AKAP19: variants seen among roughly 807,000 people sequenced by gnomAD.
AKAP19 encodes the protein small A-kinase anchoring protein.
the AKAP19 span, chr2:190,079,890 T>TGAGAGA: frequency 1.8e-5 from 2 of 109,434 alleles, no homozygotes; most frequent in African/African-American, 6.5e-5. Flanking sequence ...TGTGTGTGTG[T>TGAGAGA]GAGAGAGAGA....
chr2:190,198,105 GTA>G, the AKAP19 span, among the ~76,000 whole-genome samples: 1 of 152,152 alleles, frequency 6.6e-6, no homozygotes, highest in Admixed American at 6.5e-5. Context: ...CATCTCTGAA[GTA>G]TGCAGCGTGA....
chr2:189,984,742 G>A, the AKAP19 span, among the ~76,000 whole-genome samples: 1 of 152,274 alleles, frequency 6.6e-6, no homozygotes, highest in South Asian at 2.1e-4. Flanking sequence ...GTATTAATTT[G>A]GGGAACTAAT....
At chr2:190,101,327 G>A in the AKAP19 span, among the ~76,000 whole-genome samples, 17 of 152,212 alleles carry the variant, frequency 1.1e-4, no homozygotes, top group Non-Finnish European at 1.5e-5. Context: ...CTTCTCCTCG[G>A]CAACAAGGCT....
the AKAP19 span, among the ~76,000 whole-genome samples, chr2:190,087,557 C>T: frequency 6.6e-6 from 1 of 152,166 alleles, no homozygotes; most frequent in African/African-American, 2.4e-5. Flanking sequence ...CTGAGAGGCC[C>T]GTCCTAAAAC....
At chr2:190,039,106 T>C in the AKAP19 span, among the ~76,000 whole-genome samples, 1 of 151,506 alleles carries the variant, frequency 6.6e-6, no homozygotes, top group Non-Finnish European at 1.5e-5. Flanking sequence ...AGAGTCTTGC[T>C]CTGTCCCCCA....
chr2:190,084,090 G>GCT, the AKAP19 span, among the ~76,000 whole-genome samples: 1 of 132,090 alleles, frequency 7.6e-6, no homozygotes, highest in Non-Finnish European at 1.6e-5. Flanking sequence ...TAGAGCTCAG[G>GCT]TTTTTTTTTT....
chr2:190,110,146 A>C, the AKAP19 span, among the ~76,000 whole-genome samples: 1 of 152,226 alleles, frequency 6.6e-6, no homozygotes, highest in Non-Finnish European at 1.5e-5. Flanking sequence ...GACAAAATGT[A>C]ATAGTTCAAC....
the AKAP19 span, among the ~76,000 whole-genome samples, chr2:190,157,393 C>CACACACAAACACACAT: frequency 6.7e-6 from 1 of 149,234 alleles, no homozygotes; most frequent in Non-Finnish European, 1.5e-5. Flanking sequence ...CACACACACA[C>CACACACAAACACACAT]ATATCACAGG....
At chr2:189,915,843 A>C in the AKAP19 span, among the ~76,000 whole-genome samples, 3 of 152,186 alleles carry the variant, frequency 2.0e-5, no homozygotes, top group Non-Finnish European at 4.4e-5. Flanking sequence ...CAATAAGATG[A>C]AATGTCATGT....
At chr2:190,127,510 A>G in the AKAP19 span, among the ~76,000 whole-genome samples, 2 of 152,176 alleles carry the variant, frequency 1.3e-5, no homozygotes, top group Non-Finnish European at 2.9e-5. Context: ...AAGCTGTCTA[A>G]ATGTAGCTTT....
At chr2:190,041,026 G>C in the AKAP19 span, among the ~76,000 whole-genome samples, 1 of 152,098 alleles carries the variant, frequency 6.6e-6, no homozygotes, top group Non-Finnish European at 1.5e-5. Flanking sequence ...GGTTCCATAT[G>C]AATTAAAAAT....
chr2:190,164,214 A>G, the AKAP19 span, among the ~76,000 whole-genome samples: 1 of 152,262 alleles, frequency 6.6e-6, no homozygotes, highest in Non-Finnish European at 1.5e-5. Flanking sequence ...AAAAGGCTTT[A>G]TTACAGTATG....
the AKAP19 span, among the ~76,000 whole-genome samples, chr2:190,122,769 T>C: frequency 6.6e-6 from 1 of 152,072 alleles, no homozygotes; most frequent in Non-Finnish European, 1.5e-5. Context: ...ATGGTAATGC[T>C]CAGACTTTGT....
At chr2:190,190,535 T>C in the AKAP19 span, among the ~76,000 whole-genome samples, 2 of 152,232 alleles carry the variant, frequency 1.3e-5, no homozygotes, top group East Asian at 3.8e-4. Flanking sequence ...ATTTTTAAAA[T>C]ACCTGTGTTT....
At chr2:190,059,404 T>C in the AKAP19 span, among the ~76,000 whole-genome samples, 1,107 of 152,088 alleles carry the variant, frequency 7.3e-3, 9 homozygotes, top group Middle Eastern at 0.014. Flanking sequence ...CTAAGGCAGC[T>C]CAGAAATAAG....
chr2:190,139,876 A>G, the AKAP19 span, among the ~76,000 whole-genome samples: 4 of 152,162 alleles, frequency 2.6e-5, no homozygotes, highest in East Asian at 5.8e-4. Context: ...AACTCATTCT[A>G]TCATTAACCC....
chr2:190,001,983 G>A, the AKAP19 span, among the ~76,000 whole-genome samples: 3 of 152,146 alleles, frequency 2.0e-5, no homozygotes, highest in African/African-American at 2.4e-5. Flanking sequence ...CATTTGGTAT[G>A]GGCATCATCC....
the AKAP19 span, among the ~76,000 whole-genome samples, chr2:189,911,811 G>A: frequency 2.6e-5 from 4 of 151,736 alleles, no homozygotes; most frequent in Admixed American, 6.6e-5. Context: ...TGGATTAATT[G>A]CTTTAGCAAA....
chr2:190,077,386 T>C, the AKAP19 span, among the ~76,000 whole-genome samples: 4 of 152,060 alleles, frequency 2.6e-5, no homozygotes, highest in Non-Finnish European at 4.4e-5. Context: ...ATTTTTTGTG[T>C]TTTTATTTAC....
Sources: allele counts gnomAD v4.1 joint callset (sites outside exome capture counted in the v4.1 genomes callset), GRCh38; gene constraint gnomAD v4.1.1; transcripts MANE v1.5; gene names NCBI Gene and HGNC (gene_info 2026-07-23, HGNC 2026-07-21).